WASF3: variants seen among roughly 807,000 people sequenced by gnomAD.
WASF3 encodes WASP family member 3.
Under a neutral mutation model 46.6 loss-of-function variants are expected in WASF3, and 11 were observed. That is an observed-to-expected ratio of 0.24 (90% CI 0.15 to 0.39). The LOEUF is 0.39. Among genes scored for constraint, WASF3 ranks in the 10% least tolerant of loss-of-function variants. WASF3 has a pLI of 1.00. For missense variants in WASF3, 576 were observed against 669.8 expected (o/e 0.86, Z 1.55); for synonymous variants, 242 against 259.7 (o/e 0.93, Z 0.65).
At chr13:26,580,295 G>A (rs538386357) in intron 1 of WASF3, among the ~76,000 whole-genome samples, 1 of 152,196 alleles carries the variant, frequency 6.6e-6, no homozygotes, top group African/African-American at 2.4e-5. Context: ...ACGTCCAAAA[G>A]TTGGCTTTTG....
chr13:26,660,869 G>A (rs755111556), intron 3 of WASF3, among the ~76,000 whole-genome samples: 1 of 152,122 alleles, frequency 6.6e-6, no homozygotes, highest in Admixed American at 6.5e-5. Context: ...AGCATAGCAC[G>A]AGCATCTGCT....
At position 26,682,917 on chromosome 13, in the gene WASF3, C is replaced by T; in HGVS notation, c.1294C>T (p.Pro432Ser). The change falls in exon 9 of 10, where the codon CCT becomes TCT. Residue 432 changes from proline (P) to serine (S), a missense_variant. Physicochemically the swap from Pro to Ser is moderately conservative, Grantham distance 74. This residue lies in a region of WASF3 where 295 missense variants were observed against 291.5 expected (regional missense o/e 1.01). Transcript: ENST00000335327. The surrounding 1 kb of genome is among the most constrained non-coding windows in gnomAD (Gnocchi z 4.4). ...AGTAGCTGAGGCGAAGCGGCAAGAG[C>T]CTGCACAGCCACCAATCAGTGATGC... ...PPVAEAKRQE[P>S]AQPPISDARS... The T allele has an allele frequency of 6.2e-7, 1 of 1,610,502 alleles. No homozygotes were observed. The highest frequency in any genetic ancestry group is 8.5e-7 in the Non-Finnish European group (1 of 1,179,998).
At position 26,606,969 on chromosome 13, in the gene WASF3, G is replaced by A. The variant is rs547017963; in HGVS notation, c.-108-5992G>A. The A allele has an allele frequency of 3.9e-5, 6 of 152,290 alleles. No individual in the cohort carries two copies. In the South Asian group the frequency reaches 6.2e-4, roughly 16 times the overall value. The allele number at this position is 152,290 out of a possible 1,614,324, so 9.4% of individuals were successfully genotyped here. On this transcript the variant is annotated intron_variant, in intron 1 of 9. Transcript: ENST00000335327. ...ATGTGACTTTTATTACAGTATGTTG[G>A]TGTAATTGTTCTATTTTATTATGAG...
the WASF3 span, among the ~76,000 whole-genome samples, chr13:26,544,487 C>T: frequency 7.9e-5 from 12 of 152,260 alleles, no homozygotes; most frequent in South Asian, 1.7e-3. Context: ...GAATGGGAGC[C>T]GCCAGGATGC....
chr13:26,599,520 T>C (rs1391369879), intron 1 of WASF3, among the ~76,000 whole-genome samples: 2 of 152,176 alleles, frequency 1.3e-5, no homozygotes, highest in African/African-American at 4.8e-5. Context: ...CCATGTGTAT[T>C]TGATTAAGGC....
chr13:26,644,517 G>A (rs1882091400), intron 3 of WASF3, among the ~76,000 whole-genome samples: 4 of 152,104 alleles, frequency 2.6e-5, no homozygotes, highest in Admixed American at 2.6e-4. Context: ...AGAGTCACTT[G>A]GTGAGCTTTA....
chr13:26,643,797 G>A (rs1462785158), intron 3 of WASF3, among the ~76,000 whole-genome samples: 1 of 152,156 alleles, frequency 6.6e-6, no homozygotes, highest in Non-Finnish European at 1.5e-5. Flanking sequence ...TGTGTTAGTT[G>A]TGTTTATGGT....
chr13:26,595,757 T>C (rs1880442148), intron 1 of WASF3, among the ~76,000 whole-genome samples: 1 of 152,214 alleles, frequency 6.6e-6, no homozygotes, highest in Admixed American at 6.5e-5. Flanking sequence ...ATATTTAACC[T>C]TTGTGATTAC....
At chr13:26,546,477 T>C in the WASF3 span, among the ~76,000 whole-genome samples, 1 of 152,136 alleles carries the variant, frequency 6.6e-6, no homozygotes, top group Non-Finnish European at 1.5e-5. Flanking sequence ...CCGAGGTGGG[T>C]GGATCACCTG....
chr13:26,620,190 G>A (rs1241692323), intron 2 of WASF3, among the ~76,000 whole-genome samples: 1 of 151,996 alleles, frequency 6.6e-6, no homozygotes, highest in Non-Finnish European at 1.5e-5. Flanking sequence ...TTGTCTGGCT[G>A]ATCAAAACAG....
rs142978531 is a variant in WASF3, at chr13:26,636,112, A to G, written c.-10-6149A>G. ...CCTTTTGTTCAGCTATGCCCTGCCC[A>G]CAGAGGTGGAGTCTATAGAGGCAGT... is the stretch of plus-strand genomic sequence containing the variant. On this transcript the variant is annotated intron_variant, in intron 2 of 9. Transcript: ENST00000335327. 8.9e-3 allele frequency among the ~76,000 whole-genome samples: 1,360 copies of G among 152,336 alleles called. 10 individuals are homozygous for G. The highest frequency in any genetic ancestry group is 0.017 in the Middle Eastern group (5 of 294).
At chr13:26,583,557 T>C (rs756952834) in intron 1 of WASF3, among the ~76,000 whole-genome samples, 4 of 152,240 alleles carry the variant, frequency 2.6e-5, no homozygotes, top group Non-Finnish European at 4.4e-5. Context: ...GTGTCTTTCA[T>C]TGAAAATTCC....
chr13:26,679,600 T>C lies in WASF3; in HGVS notation c.717-1454T>C, dbSNP rs929959632. On this transcript the variant is annotated intron_variant, in intron 7 of 9. Coordinates refer to ENST00000335327, the MANE Select transcript of WASF3 (RefSeq NM_006646.6). This position sits in a 1 kb window ranked among gnomAD's most constrained non-coding sequence, Gnocchi z 4.8. ...GGAGAACTCTGTTTCCTTTAAAAGG[T>C]TGCACTGTAAGCCAGTGACTCGTAG... 1.2e-4 allele frequency among the ~76,000 whole-genome samples: 18 copies of C among 152,186 alleles called. No homozygotes were observed. Among genetic ancestry groups the C allele is most frequent in the African/African-American group, 4.3e-4 (18 of 41,430 alleles).
intron 1 of WASF3, chr13:26,577,329 C>T (rs114107535): frequency 5.8e-5 from 44 of 756,416 alleles, no homozygotes; most frequent in Middle Eastern, 2.5e-4. Context: ...TGTAACAATC[C>T]GATATGGAAA....
At chr13:26,603,050 G>A (rs9783573) in intron 1 of WASF3, among the ~76,000 whole-genome samples, 8,914 of 152,204 alleles carry the variant, frequency 0.059, 687 homozygotes, top group African/African-American at 0.17. Context: ...AGAGGAAGGC[G>A]ATAAGGGCCC....
At position 26,624,639 on chromosome 13, in the gene WASF3, AT is replaced by A. The variant is rs1351132426; in HGVS notation, c.-11+11592del. Among the ~76,000 whole-genome samples the A allele has an allele frequency of 2.9e-3, 427 of 148,648 alleles. 1 individual carries two copies. The highest frequency in any genetic ancestry group is 7.3e-3 in the South Asian group (34 of 4,684). Reference sequence around the variant, plus strand: ...AGAATCTCAGAGAACCCCAAGCAGGATTTTTTTTTTTAAGAACCCTCCAAGT... The same window carrying A: ...AGAATCTCAGAGAACCCCAAGCAGGATTTTTTTTTTAAGAACCCTCCAAGT... On this transcript the variant is annotated intron_variant, in intron 2 of 9. Transcript: ENST00000335327.
chr13:26,629,562 G>T (rs1007148438), intron 2 of WASF3, among the ~76,000 whole-genome samples: 1 of 152,128 alleles, frequency 6.6e-6, no homozygotes, highest in East Asian at 1.9e-4. Flanking sequence ...GAGCTGATCC[G>T]TCTGAAAAAC....
intron 6 of WASF3, among the ~76,000 whole-genome samples, chr13:26,675,835 G>A (rs1319352083): frequency 1.3e-5 from 2 of 152,144 alleles, no homozygotes; most frequent in Non-Finnish European, 1.5e-5. Context: ...AGAGGGAAAC[G>A]TAGGAAATAA....
At chr13:26,627,316 G>A (rs1881497859) in intron 2 of WASF3, among the ~76,000 whole-genome samples, 1 of 151,894 alleles carries the variant, frequency 6.6e-6, no homozygotes, top group Admixed American at 6.6e-5. Flanking sequence ...TGTAAGGCAG[G>A]CAGGGAAGGT....
Sources: allele counts gnomAD v4.1 joint callset (sites outside exome capture counted in the v4.1 genomes callset), GRCh38; gene constraint gnomAD v4.1.1; regional missense constraint gnomAD v4.1.1; non-coding constraint Gnocchi (gnomAD v3.1); transcripts MANE v1.5; gene names NCBI Gene and HGNC (gene_info 2026-07-23, HGNC 2026-07-21).